MAPKAP1: variants seen among roughly 807,000 people sequenced by gnomAD.
MAPKAP1 encodes target of rapamycin complex 2 subunit MAPKAP1.
A neutral mutation model predicts 65.7 loss-of-function variants in MAPKAP1; 20 were observed. That is an observed-to-expected ratio of 0.30 (90% CI 0.21 to 0.44). The LOEUF is 0.44. MAPKAP1 is among the 20% of genes least tolerant of loss of function. MAPKAP1 has a pLI of 1.00. For missense variants in MAPKAP1, 423 were observed against 648.0 expected, an observed-to-expected ratio of 0.65 and a Z score of 3.77; for synonymous variants, 222 against 244.3, an observed-to-expected ratio of 0.91 and a Z score of 0.85.
chr9:125,477,921 G>A (rs1854169641), intron 9 of MAPKAP1, among the ~76,000 whole-genome samples: 1 of 152,154 alleles, frequency 6.6e-6, no homozygotes, highest in Non-Finnish European at 1.5e-5. Flanking sequence ...ACACTTGAAG[G>A]ACATCTGTAC....
chr9:125,443,051 G>A (rs1425600872), intron 11 of MAPKAP1, among the ~76,000 whole-genome samples: 2 of 152,136 alleles, frequency 1.3e-5, no homozygotes, highest in Non-Finnish European at 2.9e-5. Flanking sequence ...CTTTTCATCT[G>A]GGAAATGGGA....
chr9:125,653,322 CGG>C (rs1287447796), intron 4 of MAPKAP1, among the ~76,000 whole-genome samples: 7 of 152,096 alleles, frequency 4.6e-5, no homozygotes, highest in African/African-American at 1.7e-4. Flanking sequence ...AAGAAACTGT[CGG>C]TTAAATCTGA....
intron 5 of MAPKAP1, among the ~76,000 whole-genome samples, chr9:125,566,352 C>T (rs768340159): frequency 6.6e-6 from 1 of 152,064 alleles, no homozygotes; most frequent in East Asian, 1.9e-4. Context: ...ACTGCTTGAG[C>T]CCAGGAGTTT....
At chr9:125,480,364 C>A (rs764364265) in intron 9 of MAPKAP1, among the ~76,000 whole-genome samples, 17 of 152,098 alleles carry the variant, frequency 1.1e-4, no homozygotes, top group Admixed American at 7.2e-4. Context: ...TTTTAGAAGC[C>A]CCTCTGAAAT....
At chr9:125,575,942 C>A (rs1831381142) in intron 5 of MAPKAP1, among the ~76,000 whole-genome samples, 1 of 152,160 alleles carries the variant, frequency 6.6e-6, no homozygotes, top group Non-Finnish European at 1.5e-5. Flanking sequence ...TAGAAGCAAC[C>A]AAGATATCTT....
intron 3 of MAPKAP1, among the ~76,000 whole-genome samples, chr9:125,661,955 T>TA (rs1834197458): frequency 6.6e-6 from 1 of 151,980 alleles, no homozygotes; most frequent in Non-Finnish European, 1.5e-5. Flanking sequence ...AGCTATAGAT[T>TA]AAAAAATGAG....
At chr9:125,634,472 A>G (rs74394049) in intron 4 of MAPKAP1, among the ~76,000 whole-genome samples, 63 of 152,334 alleles carry the variant, frequency 4.1e-4, no homozygotes, top group East Asian at 1.9e-4. Context: ...ATTTAGCAAT[A>G]ACAGCAATTC....
At chr9:125,468,223 T>G in intron 9 of MAPKAP1, 114 bp from the exon 10 acceptor site, 1 of 1,109,140 alleles carries the variant, frequency 9.0e-7, no homozygotes, top group Non-Finnish European at 1.3e-6. Context: ...ACGTGAGCTC[T>G]TTCTTAGGGC....
At chr9:125,487,235 A>G (rs967003004) in intron 8 of MAPKAP1, among the ~76,000 whole-genome samples, 3 of 152,164 alleles carry the variant, frequency 2.0e-5, no homozygotes, top group Non-Finnish European at 4.4e-5. Context: ...TGCAGCACCT[A>G]TGATTTTGGA....
At chr9:125,533,100 C>A (rs1257989261) in intron 7 of MAPKAP1, among the ~76,000 whole-genome samples, 1 of 152,080 alleles carries the variant, frequency 6.6e-6, no homozygotes, top group Non-Finnish European at 1.5e-5. Flanking sequence ...TGTATGTGTA[C>A]GCATACACGC....
intron 4 of MAPKAP1, among the ~76,000 whole-genome samples, chr9:125,654,325 A>AT (rs1833972751): frequency 6.6e-6 from 1 of 152,296 alleles, no homozygotes; most frequent in East Asian, 1.9e-4. Flanking sequence ...CGTTCTCAAC[A>AT]ATGCTTAAGA....
At chr9:125,531,672 A>T (rs72769105) in intron 7 of MAPKAP1, among the ~76,000 whole-genome samples, 52 of 152,306 alleles carry the variant, frequency 3.4e-4, no homozygotes, top group Non-Finnish European at 5.9e-4. Context: ...CCATTTTATT[A>T]TGAGTATTTT....
At chr9:125,647,060 T>C (rs778038408) in intron 4 of MAPKAP1, among the ~76,000 whole-genome samples, 35 of 152,320 alleles carry the variant, frequency 2.3e-4, no homozygotes, top group Middle Eastern at 6.8e-3. Flanking sequence ...TGAATCTTTA[T>C]CTGACACTAA....
intron 7 of MAPKAP1, among the ~76,000 whole-genome samples, chr9:125,524,970 A>G (rs941421184): frequency 1.3e-5 from 2 of 152,222 alleles, no homozygotes; most frequent in African/African-American, 2.4e-5. Flanking sequence ...TGCTGCTCTG[A>G]CAAGGGGCCT....
chr9:125,648,218 T>G (rs1321471923), intron 4 of MAPKAP1, among the ~76,000 whole-genome samples: 2 of 152,172 alleles, frequency 1.3e-5, no homozygotes, highest in African/African-American at 4.8e-5. Context: ...GGGGAATCCT[T>G]GAGCACCTCA....
At chr9:125,537,201 T>TAA (rs773425006) in intron 7 of MAPKAP1, among the ~76,000 whole-genome samples, 32 of 152,332 alleles carry the variant, frequency 2.1e-4, no homozygotes, top group Non-Finnish European at 3.7e-4. Flanking sequence ...ACATTTAACC[T>TAA]CTTAGAGCTG....
intron 4 of MAPKAP1, among the ~76,000 whole-genome samples, chr9:125,653,682 A>G (rs1455074368): frequency 2.6e-5 from 4 of 152,208 alleles, no homozygotes; most frequent in Non-Finnish European, 4.4e-5. Flanking sequence ...GACTGAAGTC[A>G]CACCGTAAGT....
chr9:125,506,434 G>C lies in MAPKAP1; in HGVS notation c.959-17C>G. 3 of 1,601,938 alleles carry C rather than the reference G, an allele frequency of 1.9e-6. No individual in the cohort carries two copies. The highest frequency in any genetic ancestry group is 2.6e-6 in the Non-Finnish European group (3 of 1,169,070). On this transcript the variant is annotated splice_polypyrimidine_tract_variant and intron_variant, in intron 7 of 11. Transcript: ENST00000265960. The stretch of plus-strand genomic sequence containing the variant: ...ACTGAGGGCCTGGAAGATCAAAGGG[G>C]CAGGAGGAGGGGAGGAAGTCTGAAA...
At chr9:125,623,149 C>T (rs1228830372) in intron 4 of MAPKAP1, among the ~76,000 whole-genome samples, 2 of 142,828 alleles carry the variant, frequency 1.4e-5, no homozygotes, top group East Asian at 4.5e-4. Context: ...CTCACGACAA[C>T]CTACACCTCC....
Sources: allele counts gnomAD v4.1 joint callset (sites outside exome capture counted in the v4.1 genomes callset), GRCh38; gene constraint gnomAD v4.1.1; transcripts MANE v1.5; gene names NCBI Gene and HGNC (gene_info 2026-07-23, HGNC 2026-07-21).